Variants in OSBPL10 observed in about 807,000 individuals in gnomAD.
The protein encoded by OSBPL10 is oxysterol-binding protein-related protein 10.
A neutral mutation model predicts 81.7 loss-of-function variants in OSBPL10; 49 were observed. The ratio of observed to expected loss-of-function variants is 0.60; its 90% CI spans 0.48 to 0.76. The LOEUF is 0.76. OSBPL10 is among the 30% of genes least tolerant of loss of function. OSBPL10 has a pLI of 0.00. For synonymous variants in OSBPL10, 419 were observed against 383.6 expected (o/e 1.09, Z -1.08); for missense variants, 923 against 987.8 (o/e 0.93, Z 0.88).
intron 8 of OSBPL10, 105 bp from the exon 9 acceptor site, chr3:31,671,088 T>C (rs1434034858): frequency 4.5e-6 from 5 of 1,107,602 alleles, no homozygotes; most frequent in Non-Finnish European, 6.3e-6. Flanking sequence ...TGCACAGATG[T>C]CACATCTCCC....
chr3:31,731,488 CT>C (rs202094117), intron 6 of OSBPL10, among the ~76,000 whole-genome samples: 49,721 of 142,182 alleles, frequency 0.35, 9,110 homozygotes, highest in East Asian at 0.61. Context: ...TTATTTCTTT[CT>C]TTTTTTTTTT....
intron 3 of OSBPL10, among the ~76,000 whole-genome samples, chr3:31,851,925 T>C (rs1015370082): frequency 6.6e-6 from 1 of 152,142 alleles, no homozygotes; most frequent in African/African-American, 2.4e-5. Context: ...ACATGATGGA[T>C]AGGCTGTCTT....
intron 1 of OSBPL10, among the ~76,000 whole-genome samples, chr3:31,968,222 T>C (rs941503577): frequency 7.9e-5 from 12 of 151,860 alleles, no homozygotes; most frequent in African/African-American, 2.9e-4. Context: ...ATCAAATCTG[T>C]AGACTTTATA....
chr3:31,745,705 T>C (rs1454073962), intron 5 of OSBPL10, among the ~76,000 whole-genome samples: 6 of 152,166 alleles, frequency 3.9e-5, no homozygotes, highest in African/African-American at 1.2e-4. Flanking sequence ...TTTAATTGTT[T>C]TGTGTCCCAG....
chr3:31,668,556 G>T, intron 10 of OSBPL10, 86 bp downstream of exon 10: 1 of 1,307,688 alleles, frequency 7.6e-7, no homozygotes, highest in Non-Finnish European at 1.0e-6. Context: ...CAGTCGCTAA[G>T]TTTCAAAGTC....
At chr3:31,735,573 G>C (rs948618735) in intron 5 of OSBPL10, among the ~76,000 whole-genome samples, 1 of 152,170 alleles carries the variant, frequency 6.6e-6, no homozygotes, top group African/African-American at 2.4e-5. Context: ...GTATGCTCAA[G>C]TCACATCAGT....
intron 1 of OSBPL10, among the ~76,000 whole-genome samples, chr3:31,945,154 A>T (rs1486515056): frequency 6.6e-6 from 1 of 151,274 alleles, no homozygotes. Context: ...CGTCTCAAAA[A>T]AAAAAAAAAA....
At chr3:31,909,735 C>A (rs1696519000) in intron 1 of OSBPL10, among the ~76,000 whole-genome samples, 1 of 152,128 alleles carries the variant, frequency 6.6e-6, no homozygotes, top group African/African-American at 2.4e-5. Flanking sequence ...CTTTCCAGGG[C>A]CGTTCTTCAC....
At chr3:31,957,321 C>T (rs561358858) in intron 1 of OSBPL10, among the ~76,000 whole-genome samples, 2 of 151,990 alleles carry the variant, frequency 1.3e-5, no homozygotes, top group African/African-American at 2.4e-5. Context: ...GACTCAGTTA[C>T]GATAAATCCA....
intron 1 of OSBPL10, among the ~76,000 whole-genome samples, chr3:31,903,740 CTG>C: frequency 6.6e-6 from 1 of 152,282 alleles, no homozygotes; most frequent in South Asian, 2.1e-4. Flanking sequence ...GTCCCCAGAG[CTG>C]TGTTCCTAAC....
In OSBPL10 at chr3:31,733,384, T is replaced by G. The variant is rs765888855; in HGVS notation, c.968A>C (p.Lys323Thr). The G allele has an allele frequency of 6.2e-7, 1 of 1,614,204 alleles. No individual in the cohort carries two copies. Among genetic ancestry groups the G allele is most frequent in the East Asian group, 2.2e-5 (1 of 44,878 alleles). Reference protein sequence around the residue: ...SENILGWHGSKSHSTEQLKNG... With the variant: ...SENILGWHGSTSHSTEQLKNG... The stretch of plus-strand genomic sequence containing the variant: ...TTTCAGCTGCTCTGTGGAATGTGAC[T>G]TGGACCCGTGCCATCCCAGGATGTT... The change falls in exon 6 of 12, where the codon AAG becomes ACG. Residue 323 changes from lysine to threonine, a missense_variant. Physicochemically the swap from Lys to Thr is moderately conservative, Grantham distance 78. Around this residue, in one of 3 missense-constraint regions of OSBPL10, gnomAD observed 514 missense variants for 508.0 expected, o/e 1.01. Coordinates refer to ENST00000396556, the MANE Select transcript of OSBPL10 (RefSeq NM_017784.5).
chr3:31,713,717 G>A (rs559954514), intron 6 of OSBPL10, among the ~76,000 whole-genome samples: 3 of 152,154 alleles, frequency 2.0e-5, no homozygotes, highest in East Asian at 3.9e-4. Flanking sequence ...CTTAACTCCA[G>A]TGTCCCCTTA....
chr3:31,689,593 G>A (rs545656388), intron 7 of OSBPL10, among the ~76,000 whole-genome samples: 12 of 152,204 alleles, frequency 7.9e-5, no homozygotes, highest in African/African-American at 2.9e-4. Context: ...CAATTCCCAC[G>A]TGTCGTGGGA....
At chr3:31,927,837 GCA>G (rs2125714966) in intron 1 of OSBPL10, among the ~76,000 whole-genome samples, 1 of 152,238 alleles carries the variant, frequency 6.6e-6, no homozygotes, top group Non-Finnish European at 1.5e-5. Context: ...GTTCTACCAG[GCA>G]CAGAGTCTGT....
At chr3:31,969,491 A>T (rs1575068899) in intron 1 of OSBPL10, 1 of 118,486 alleles carries the variant, frequency 8.4e-6, no homozygotes, top group African/African-American at 5.6e-5. Context: ...GGAGGGCTAC[A>T]ACATCACTCG....
chr3:31,783,111 TTATATATATATATATATATATATA>T (rs56846176), intron 4 of OSBPL10, among the ~76,000 whole-genome samples: 1 of 121,690 alleles, frequency 8.2e-6, no homozygotes, highest in South Asian at 2.4e-4. Flanking sequence ...AATATATCTA[TTATATATATATATATATATATATA>T]TATATATATA....
chr3:31,854,845 C>G (rs577100570), intron 3 of OSBPL10, among the ~76,000 whole-genome samples: 6 of 152,318 alleles, frequency 3.9e-5, no homozygotes, highest in Admixed American at 1.3e-4. Context: ...ATACCTCTAA[C>G]TGCTTCAGTG....
At chr3:31,708,500 A>G (rs1696142974) in intron 6 of OSBPL10, among the ~76,000 whole-genome samples, 1 of 152,236 alleles carries the variant, frequency 6.6e-6, no homozygotes, top group South Asian at 2.1e-4. Flanking sequence ...TATGTCAATA[A>G]CATCAGCATA....
rs549917934 is a variant in OSBPL10, at chr3:31,981,111, A to ACGGCTGCTGCTG, written c.57_68dup (p.Ser20_Arg23dup). The stretch of plus-strand genomic sequence containing the variant: ...AGGGCGAGGAGCCCGCCGAGGTAGC[A>ACGGCTGCTGCTG]CGGCTGCTGCTGCGGCTGCTGCTGT... On this transcript the variant is annotated inframe_insertion, in exon 1 of 12. Transcript: ENST00000396556. This position sits in a 1 kb window ranked among gnomAD's most constrained non-coding sequence, Gnocchi z 4.5. The ACGGCTGCTGCTG allele has an allele frequency of 4.0e-6, 6 of 1,492,694 alleles. No individual in the cohort carries two copies. The highest frequency in any genetic ancestry group is 5.3e-6 in the Non-Finnish European group (6 of 1,125,900). The allele number at this position is 1,492,694 out of a possible 1,614,324, so 92.5% of individuals were successfully genotyped here.
Sources: gnomAD v4.1 joint callset for allele counts (sites outside exome capture counted in the v4.1 genomes callset) on GRCh38, gnomAD v4.1.1 for gene constraint, gnomAD v4.1.1 regional missense constraint, Gnocchi (gnomAD v3.1) non-coding constraint, MANE v1.5 for transcripts, NCBI Gene and HGNC (gene_info 2026-07-23, HGNC 2026-07-21) for gene names.